Variants in PRIM2 observed in about 807,000 individuals in gnomAD.
The protein encoded by PRIM2 is DNA primase subunit 2.
PRIM2 carries 39 observed loss-of-function variants against 67.3 expected under a neutral mutation model. The ratio of observed to expected loss-of-function variants is 0.58; its 90% CI spans 0.45 to 0.76. The LOEUF (loss-of-function observed/expected upper bound fraction) is 0.76, where lower values mean the gene tolerates loss of function less well. PRIM2 is among the 30% of genes least tolerant of loss of function. PRIM2 has a pLI of 0.00. For synonymous variants in PRIM2, 143 were observed against 198.7 expected (o/e 0.72, Z 2.36); for missense variants, 398 against 598.7 (o/e 0.66, Z 3.50).
At chr6:57,274,534 T>C in the PRIM2 span, among the ~76,000 whole-genome samples, 6 of 152,220 alleles carry the variant, frequency 3.9e-5, no homozygotes, top group African/African-American at 1.4e-4. Context: ...GTCACCCCTT[T>C]CTTTGACTAG....
intron 10 of PRIM2, among the ~76,000 whole-genome samples, chr6:57,570,214 T>C (rs1348711178): frequency 6.6e-6 from 1 of 152,184 alleles, no homozygotes; most frequent in Non-Finnish European, 1.5e-5. Flanking sequence ...ATGGTAGGAA[T>C]CTAAGTTAAC....
chr6:57,565,359 A>AT (rs1488596726), intron 10 of PRIM2, among the ~76,000 whole-genome samples: 1 of 148,530 alleles, frequency 6.7e-6, no homozygotes, highest in Admixed American at 6.8e-5. Flanking sequence ...ATATAAAGAT[A>AT]TTTTTTATGA....
chr6:57,563,052 C>T (rs1775669048), intron 10 of PRIM2, among the ~76,000 whole-genome samples: 1 of 152,090 alleles, frequency 6.6e-6, no homozygotes, highest in Non-Finnish European at 1.5e-5. Flanking sequence ...AGTCCTAGGA[C>T]AGAATCTCTT....
At chr6:57,385,928 T>C (rs1352553522) in intron 7 of PRIM2, among the ~76,000 whole-genome samples, 2 of 147,072 alleles carry the variant, frequency 1.4e-5, no homozygotes, top group Non-Finnish European at 3.0e-5. Flanking sequence ...GCATTTGGCT[T>C]TTGTTTTCTT....
chr6:57,385,311 TC>T (rs1770105912), intron 7 of PRIM2, among the ~76,000 whole-genome samples: 1 of 152,120 alleles, frequency 6.6e-6, no homozygotes, highest in African/African-American at 2.4e-5. Context: ...TACTCATTCT[TC>T]CCCTTCCAAA....
chr6:57,499,267 T>A (rs1774075803), intron 7 of PRIM2, among the ~76,000 whole-genome samples: 1 of 152,228 alleles, frequency 6.6e-6, no homozygotes, highest in South Asian at 2.1e-4. Flanking sequence ...CTCCCATTCC[T>A]TATCCAGAGC....
intron 3 of PRIM2, among the ~76,000 whole-genome samples, chr6:57,320,763 A>G (rs1197068734): frequency 6.6e-6 from 1 of 152,172 alleles, no homozygotes; most frequent in Non-Finnish European, 1.5e-5. Flanking sequence ...CCTCAGGACT[A>G]ACATCATTTT....
At chr6:57,335,289 G>A (rs1768193629) in intron 5 of PRIM2, among the ~76,000 whole-genome samples, 1 of 152,256 alleles carries the variant, frequency 6.6e-6, no homozygotes, top group African/African-American at 2.4e-5. Flanking sequence ...TGGGGGAGGG[G>A]CGCCCGCCAT....
chr6:57,409,063 A>G (rs1770996498), intron 7 of PRIM2, among the ~76,000 whole-genome samples: 1 of 151,988 alleles, frequency 6.6e-6, no homozygotes, highest in Admixed American at 6.6e-5. Context: ...CATTGTATGA[A>G]TATACCACAA....
the PRIM2 span, among the ~76,000 whole-genome samples, chr6:57,307,702 G>A: frequency 3.3e-5 from 5 of 152,170 alleles, no homozygotes; most frequent in African/African-American, 1.2e-4. Context: ...AAGTGAGAGG[G>A]TCCTTTAGAG....
At chr6:57,539,980 T>C (rs1775112608) in intron 10 of PRIM2, among the ~76,000 whole-genome samples, 1 of 148,824 alleles carries the variant, frequency 6.7e-6, no homozygotes, top group South Asian at 2.1e-4. Flanking sequence ...AGTGACAGAG[T>C]GAGACTCCAT....
intron 7 of PRIM2, among the ~76,000 whole-genome samples, chr6:57,384,999 A>T (rs528758922): frequency 6.6e-6 from 1 of 152,180 alleles, no homozygotes; most frequent in African/African-American, 2.4e-5. Context: ...TGTAAAAAAA[A>T]TTTTACATTT....
the PRIM2 span, among the ~76,000 whole-genome samples, chr6:57,277,610 G>A: frequency 6.6e-6 from 1 of 151,988 alleles, no homozygotes; most frequent in Non-Finnish European, 1.5e-5. Context: ...GTTGGAGCCT[G>A]CTTCTGCTTG....
intron 11 of PRIM2, among the ~76,000 whole-genome samples, chr6:57,604,960 G>A (rs1295597920): frequency 6.6e-6 from 1 of 152,176 alleles, no homozygotes; most frequent in African/African-American, 2.4e-5. Flanking sequence ...AAAGTGCTGG[G>A]ATTACGGGCG....
intron 7 of PRIM2, among the ~76,000 whole-genome samples, chr6:57,465,333 AG>A (rs1337265356): frequency 3.3e-5 from 5 of 152,182 alleles, no homozygotes; most frequent in African/African-American, 1.2e-4. Flanking sequence ...GACACAAAGA[AG>A]TTACCAGGGA....
intron 5 of PRIM2, among the ~76,000 whole-genome samples, chr6:57,331,009 C>T (rs994043860): frequency 7.3e-5 from 11 of 151,618 alleles, no homozygotes; most frequent in African/African-American, 9.7e-5. Context: ...AGTGAAACCC[C>T]GTCTCTACTA....
At chr6:57,311,679 GC>G (rs1767394786), upstream of PRIM2, among the ~76,000 whole-genome samples, 1 of 152,090 alleles carries the variant, frequency 6.6e-6, no homozygotes, top group South Asian at 2.1e-4. Context: ...AAGGCAGGCC[GC>G]TGGGAGGTGG....
intron 12 of PRIM2, among the ~76,000 whole-genome samples, chr6:57,630,323 AG>A (rs1777019632): frequency 6.6e-6 from 1 of 152,166 alleles, no homozygotes; most frequent in African/African-American, 2.4e-5. Flanking sequence ...ATTTTTGTTA[AG>A]GAAGAGCCCT....
chr6:57,261,996 T>C, the PRIM2 span, among the ~76,000 whole-genome samples: 1 of 152,226 alleles, frequency 6.6e-6, no homozygotes, highest in Non-Finnish European at 1.5e-5. Context: ...ACAATTTGGC[T>C]TGAGTTCTGT....
Sources: allele counts gnomAD v4.1 joint callset (sites outside exome capture counted in the v4.1 genomes callset), GRCh38; gene constraint gnomAD v4.1.1; transcripts MANE v1.5; gene names NCBI Gene and HGNC (gene_info 2026-07-23, HGNC 2026-07-21).